SPATA17: variants seen among roughly 807,000 people sequenced by gnomAD.
SPATA17 encodes spermatogenesis-associated protein 17.
Under a neutral mutation model 62.2 loss-of-function variants are expected in SPATA17, and 53 were observed. The observed-to-expected ratio is 0.85, with a 90% CI of 0.68 to 1.07. SPATA17 has a LOEUF of 1.07. Among genes scored for constraint, SPATA17 ranks in the 50% least tolerant of loss-of-function variants. The pLI is 0.00. For missense variants in SPATA17, 466 were observed against 425.5 expected (o/e 1.10, Z -0.84); for synonymous variants, 146 against 146.8 (o/e 0.99, Z 0.04).
intron 5 of SPATA17, among the ~76,000 whole-genome samples, chr1:217,725,824 A>G (rs1305263790): frequency 6.6e-6 from 1 of 152,196 alleles, no homozygotes; most frequent in South Asian, 2.1e-4. Flanking sequence ...TTGTATTTTC[A>G]TAATTTTAAT....
chr1:217,790,888 G>GTATAGCAC (rs1254402768), intron 8 of SPATA17, among the ~76,000 whole-genome samples: 1 of 152,124 alleles, frequency 6.6e-6, no homozygotes, highest in Non-Finnish European at 1.5e-5. Context: ...GTAAGCACTG[G>GTATAGCAC]TTCTATTTAT....
intron 8 of SPATA17, 40 bp downstream of exon 8, chr1:217,782,362 G>C: frequency 6.5e-7 from 1 of 1,535,994 alleles, no homozygotes; most frequent in South Asian, 1.3e-5. Context: ...TGACATATTT[G>C]GTGCCTTAAA....
At chr1:217,852,173 G>A (rs1558076746) in intron 9 of SPATA17, among the ~76,000 whole-genome samples, 1 of 152,126 alleles carries the variant, frequency 6.6e-6, no homozygotes, top group African/African-American at 2.4e-5. Flanking sequence ...ACAAAAGTTA[G>A]TTATTGCCAT....
intron 6 of SPATA17, among the ~76,000 whole-genome samples, chr1:217,749,943 TTCTCTCTCTCTCTC>T (rs1188300100): frequency 1.4e-4 from 6 of 41,466 alleles, no homozygotes; most frequent in South Asian, 9.5e-4. Context: ...TGTCATAAGA[TTCTCTCTCTCTCTC>T]TCTCTCTCTC....
In SPATA17 at chr1:217,747,000, T is replaced by TA. The variant is rs371519615; in HGVS notation, c.519+4903dup. The stretch of plus-strand genomic sequence containing the variant: ...TTAGTCAATTATATTTCCCAGAAAA[T>TA]ACTATTTGTTATGCACCCCATCACC... On this transcript the variant is annotated intron_variant, in intron 6 of 10. Coordinates refer to ENST00000366933, the MANE Select transcript of SPATA17 (RefSeq NM_138796.4). Among the ~76,000 whole-genome samples, 287 of 152,118 alleles carry TA rather than the reference T, an allele frequency of 1.9e-3. 1 individual carries two copies. Among genetic ancestry groups the TA allele is most frequent in the African/African-American group, 5.8e-3 (242 of 41,562 alleles).
intron 3 of SPATA17, among the ~76,000 whole-genome samples, chr1:217,651,907 A>G (rs1256100640): frequency 6.6e-6 from 1 of 152,198 alleles, no homozygotes; most frequent in East Asian, 1.9e-4. Flanking sequence ...TTGGCAGGCT[A>G]GGAAACTCAG....
intron 7 of SPATA17, among the ~76,000 whole-genome samples, chr1:217,776,884 T>C (rs4846439): frequency 0.021 from 3,171 of 151,936 alleles, 135 homozygotes; most frequent in East Asian, 0.15. Context: ...TCTGGGTGAG[T>C]GATCCTAGGG....
chr1:217,790,214 G>A (rs1415175671), intron 8 of SPATA17, among the ~76,000 whole-genome samples: 1 of 152,148 alleles, frequency 6.6e-6, no homozygotes, highest in African/African-American at 2.4e-5. Context: ...GTGAGAGTCT[G>A]AGCCCATGAA....
intron 8 of SPATA17, among the ~76,000 whole-genome samples, chr1:217,792,489 T>C (rs1674019492): frequency 1.3e-5 from 2 of 152,172 alleles, no homozygotes; most frequent in Admixed American, 1.3e-4. Context: ...ACTGATGACT[T>C]GTAAATCATA....
chr1:217,784,596 C>T, intron 8 of SPATA17, among the ~76,000 whole-genome samples: 1 of 152,074 alleles, frequency 6.6e-6, no homozygotes, highest in East Asian at 1.9e-4. Context: ...GAAATGTTAC[C>T]TTAAAAGGTT....
chr1:217,664,289 C>CTTTT (rs34166363), intron 3 of SPATA17, among the ~76,000 whole-genome samples: 7 of 75,790 alleles, frequency 9.2e-5, no homozygotes, highest in South Asian at 9.7e-4. Flanking sequence ...TGTTAAAAAT[C>CTTTT]TTTTTTTTTT....
intron 3 of SPATA17, among the ~76,000 whole-genome samples, chr1:217,664,905 CAG>C (rs1433649414): frequency 1.3e-5 from 2 of 151,818 alleles, no homozygotes; most frequent in Admixed American, 6.6e-5. Context: ...ATAAGGAAAA[CAG>C]GGGAGATAGG....
At chr1:217,788,893 G>A (rs1019020059) in intron 8 of SPATA17, among the ~76,000 whole-genome samples, 1 of 152,144 alleles carries the variant, frequency 6.6e-6, no homozygotes, top group East Asian at 1.9e-4. Context: ...CTTCCTAAAG[G>A]TTTTCAAATC....
intron 4 of SPATA17, among the ~76,000 whole-genome samples, chr1:217,672,637 G>A (rs577905857): frequency 6.6e-6 from 1 of 151,942 alleles, no homozygotes; most frequent in South Asian, 2.1e-4. Flanking sequence ...TTGTAATGAA[G>A]AACAAATTAT....
intron 6 of SPATA17, among the ~76,000 whole-genome samples, chr1:217,746,458 GT>G (rs11332186): frequency 0.54 from 81,193 of 151,148 alleles, 22,729 homozygotes; most frequent in Non-Finnish European, 0.62. Flanking sequence ...CTTTAGATGA[GT>G]TAGAAATAAA....
intron 9 of SPATA17, among the ~76,000 whole-genome samples, chr1:217,846,140 A>G (rs1675523148): frequency 6.6e-6 from 1 of 152,126 alleles, no homozygotes; most frequent in South Asian, 2.1e-4. Flanking sequence ...GAAATACTTT[A>G]CCATTAATAT....
intron 9 of SPATA17, among the ~76,000 whole-genome samples, chr1:217,813,762 T>C (rs1276963255): frequency 3.9e-5 from 6 of 152,068 alleles, no homozygotes; most frequent in African/African-American, 1.4e-4. Flanking sequence ...TCAGGAAAAG[T>C]ATAAATTTAC....
intron 5 of SPATA17, among the ~76,000 whole-genome samples, chr1:217,715,188 T>C (rs1012524638): frequency 6.6e-6 from 1 of 152,154 alleles, no homozygotes; most frequent in African/African-American, 2.4e-5. Flanking sequence ...ATGTTTAAAA[T>C]CAGAAGTTAA....
At chr1:217,637,617 A>T (rs1306380121) in intron 1 of SPATA17, among the ~76,000 whole-genome samples, 2 of 152,196 alleles carry the variant, frequency 1.3e-5, no homozygotes, top group Non-Finnish European at 2.9e-5. Context: ...AATTGACTGT[A>T]GTTCCTCCTG....
Sources: allele counts gnomAD v4.1 joint callset (sites outside exome capture counted in the v4.1 genomes callset), GRCh38; gene constraint gnomAD v4.1.1; transcripts MANE v1.5; gene names NCBI Gene and HGNC (gene_info 2026-07-23, HGNC 2026-07-21).